The following MACROD2 variants were observed in gnomAD, a reference collection of about 807,000 sequenced individuals.
MACROD2 encodes the protein ADP-ribose glycohydrolase MACROD2.
In MACROD2, 36 loss-of-function variants were observed where a neutral mutation model predicts 70.4. That is an observed-to-expected ratio of 0.51 (90% confidence interval 0.39 to 0.68). The LOEUF (loss-of-function observed/expected upper bound fraction) is 0.68, where lower values mean the gene tolerates loss of function less well. MACROD2 is among the 30% of genes least tolerant of loss of function. The probability of loss-of-function intolerance (pLI) is 0.00; values close to 1 mark genes in which losing one functional copy is unlikely to be tolerated. For missense variants in MACROD2, 496 were observed against 538.4 expected (o/e 0.92, Z 0.78); for synonymous variants, 172 against 178.8 (o/e 0.96, Z 0.30).
intron 6 of MACROD2, among the ~76,000 whole-genome samples, chr20:15,258,054 G>A (rs1400808859): frequency 2.7e-5 from 4 of 149,434 alleles, no homozygotes; most frequent in Non-Finnish European, 5.9e-5. Context: ...TAAAAAAAAA[G>A]GTAAAAATAC....
chr20:14,186,939 C>A (rs2081349673), intron 3 of MACROD2, among the ~76,000 whole-genome samples: 1 of 152,006 alleles, frequency 6.6e-6, no homozygotes, highest in Non-Finnish European at 1.5e-5. Flanking sequence ...ACACAGGGCA[C>A]TGGGGACTAT....
intron 4 of MACROD2, among the ~76,000 whole-genome samples, chr20:14,567,541 C>G (rs1979892828): frequency 6.6e-6 from 1 of 151,962 alleles, no homozygotes; most frequent in Non-Finnish European, 1.5e-5. Flanking sequence ...GCTAGCATGG[C>G]TATACTTGTT....
intron 8 of MACROD2, among the ~76,000 whole-genome samples, chr20:15,706,089 C>T (rs1201363154): frequency 6.6e-6 from 1 of 152,106 alleles, no homozygotes; most frequent in Non-Finnish European, 1.5e-5. Flanking sequence ...GTTAGCATCA[C>T]GGAAAGCATT....
At chr20:15,526,361 T>C (rs764243579) in intron 8 of MACROD2, among the ~76,000 whole-genome samples, 4 of 152,166 alleles carry the variant, frequency 2.6e-5, no homozygotes, top group Non-Finnish European at 4.4e-5. Flanking sequence ...AGTTCAGGTA[T>C]AACATAAATC....
intron 6 of MACROD2, among the ~76,000 whole-genome samples, chr20:15,408,284 C>T (rs2046031372): frequency 6.6e-6 from 1 of 152,196 alleles, no homozygotes; most frequent in Non-Finnish European, 1.5e-5. Context: ...TCTGCTTAAC[C>T]TCCTGGCATC....
chr20:15,480,832 T>G (rs2047087260), intron 7 of MACROD2, among the ~76,000 whole-genome samples: 1 of 152,180 alleles, frequency 6.6e-6, no homozygotes, highest in Admixed American at 6.5e-5. Context: ...TGACTGTGGT[T>G]AGCTGGGAAG....
At chr20:14,684,648 A>AACCC (rs2070977347) in intron 4 of MACROD2, among the ~76,000 whole-genome samples, 195 bp from the exon 5 acceptor site, 1 of 134,848 alleles carries the variant, frequency 7.4e-6, no homozygotes, top group African/African-American at 2.6e-5. Context: ...ACATAACCTC[A>AACCC]CCCCCCCCCC....
At chr20:14,534,813 G>A (rs1292714741) in intron 4 of MACROD2, among the ~76,000 whole-genome samples, 1 of 151,268 alleles carries the variant, frequency 6.6e-6, no homozygotes, top group Non-Finnish European at 1.5e-5. Flanking sequence ...TCTAAAAATA[G>A]TTTTAAAATA....
chr20:14,804,680 G>A (rs1040741), intron 5 of MACROD2, among the ~76,000 whole-genome samples: 19,004 of 151,808 alleles, frequency 0.13, 2,001 homozygotes, highest in East Asian at 0.31. Context: ...TCTACCTGCC[G>A]TTCAGATGCT....
At chr20:15,673,783 A>G (rs2050016077) in intron 8 of MACROD2, among the ~76,000 whole-genome samples, 2 of 145,510 alleles carry the variant, frequency 1.4e-5, no homozygotes, top group Non-Finnish European at 3.0e-5. Flanking sequence ...GTAGGGAGGA[A>G]AAAAAAAAAA....
chr20:15,456,746 C>G (rs1246379955), intron 7 of MACROD2, among the ~76,000 whole-genome samples: 5 of 152,114 alleles, frequency 3.3e-5, no homozygotes, highest in Non-Finnish European at 7.4e-5. Context: ...TTAAGAAATA[C>G]CAATGCCTGG....
chr20:15,337,887 G>C (rs1411265372), intron 6 of MACROD2, among the ~76,000 whole-genome samples: 4 of 151,610 alleles, frequency 2.6e-5, no homozygotes, highest in Non-Finnish European at 4.4e-5. Context: ...TTTCTCTGTA[G>C]CTGTATTGGT....
chr20:15,795,243 G>A (rs759490065), intron 8 of MACROD2, among the ~76,000 whole-genome samples: 9 of 152,046 alleles, frequency 5.9e-5, no homozygotes, highest in Non-Finnish European at 1.2e-4. Flanking sequence ...ATAGGAGAAC[G>A]GTTAGTGGGG....
intron 3 of MACROD2, among the ~76,000 whole-genome samples, chr20:14,354,718 C>T (rs947877022): frequency 3.9e-5 from 6 of 152,102 alleles, no homozygotes; most frequent in South Asian, 2.1e-4. Context: ...GCCCTGAGCA[C>T]GGTACCCAAC....
At chr20:15,239,136 G>A (rs542792343) in intron 6 of MACROD2, among the ~76,000 whole-genome samples, 1 of 151,596 alleles carries the variant, frequency 6.6e-6, no homozygotes, top group African/African-American at 2.4e-5. Context: ...ATAGTATAGA[G>A]CAAAGGCAAT....
intron 3 of MACROD2, among the ~76,000 whole-genome samples, chr20:14,283,504 G>A (rs2082322073): frequency 1.3e-5 from 2 of 152,146 alleles, no homozygotes; most frequent in South Asian, 4.1e-4. Context: ...CCTTGGTTTT[G>A]CACTTACAGG....
intron 6 of MACROD2, among the ~76,000 whole-genome samples, chr20:15,235,131 C>T (rs770110674): frequency 5.3e-5 from 8 of 152,138 alleles, no homozygotes; most frequent in African/African-American, 1.2e-4. Flanking sequence ...TGCACCCTGT[C>T]TGACATTCTT....
intron 8 of MACROD2, among the ~76,000 whole-genome samples, chr20:15,614,932 T>C (rs2049017382): frequency 6.6e-6 from 1 of 152,268 alleles, no homozygotes. Context: ...CTTCTGTTTT[T>C]AGCACATTCC....
At chr20:14,710,161 T>C (rs2071320647) in intron 5 of MACROD2, among the ~76,000 whole-genome samples, 1 of 152,072 alleles carries the variant, frequency 6.6e-6, no homozygotes, top group African/African-American at 2.4e-5. Flanking sequence ...CCCCTGAGAA[T>C]GAGAGAGTAA....
Sources: gnomAD v4.1 joint callset for allele counts (sites outside exome capture counted in the v4.1 genomes callset) on GRCh38, gnomAD v4.1.1 for gene constraint, MANE v1.5 for transcripts, NCBI Gene and HGNC (gene_info 2026-07-23, HGNC 2026-07-21) for gene names.